MORC3: variants seen among roughly 807,000 people sequenced by gnomAD.
MORC3 encodes MORC family CW-type zinc finger protein 3.
MORC3 carries 31 observed loss-of-function variants against 109.1 expected under a neutral mutation model. The ratio of observed to expected loss-of-function variants is 0.28; its 90% CI spans 0.21 to 0.38. The LOEUF is 0.38. Among genes scored for constraint, MORC3 ranks in the 10% least tolerant of loss-of-function variants. The pLI is 1.00. For missense variants in MORC3, 867 were observed against 1,135.8 expected (o/e 0.76, Z 3.40); for synonymous variants, 395 against 380.7 (o/e 1.04, Z -0.44).
At chr21:36,333,523 G>A (rs2085338523) in intron 1 of MORC3, 123 bp from the exon 2 acceptor site, 1 of 730,350 alleles carries the variant, frequency 1.4e-6, no homozygotes, top group Non-Finnish European at 2.4e-6. Flanking sequence ...ATGTATCCTG[G>A]AGCAAGCAGC....
intron 1 of MORC3, among the ~76,000 whole-genome samples, chr21:36,331,102 G>C (rs1231383387): frequency 1.3e-5 from 2 of 152,214 alleles, no homozygotes; most frequent in Non-Finnish European, 2.9e-5. Flanking sequence ...AGACCTTTCT[G>C]ACACCTTGTG....
intron 1 of MORC3, 104 bp downstream of exon 1, chr21:36,320,407 C>T: frequency 3.6e-6 from 4 of 1,107,036 alleles, no homozygotes; most frequent in Non-Finnish European, 4.6e-6. Context: ...GCCGACGCGG[C>T]GGCGGGGGCT....
At chr21:36,337,047 T>TA in intron 3 of MORC3, 41 bp downstream of exon 3, 1 of 1,596,694 alleles carries the variant, frequency 6.3e-7, no homozygotes, top group Non-Finnish European at 8.5e-7. Flanking sequence ...TTGTTGCTTT[T>TA]ACCTAAAGGG....
At position 36,375,165 on chromosome 21, in the gene MORC3, G is replaced by A. The variant is rs2085915983; in HGVS notation, c.2689G>A (p.Val897Ile). Residue 897 changes from valine to isoleucine, a missense_variant, in exon 17 of 17, where the codon GTT becomes ATT. By Grantham distance (29) the Val-to-Ile change is conservative. Transcript: ENST00000400485. ...GESLKLRSLR[V>I]NVGQLLAMIV... The stretch of plus-strand genomic sequence containing the variant: ...CAGCCTCAAACTCCGATCTCTTCGA[G>A]TTAACGTAGGACAACTGCTGGCTAT... 3 of 1,613,218 alleles carry A rather than the reference G, an allele frequency of 1.9e-6. No individual in the cohort carries two copies. Among genetic ancestry groups the A allele is most frequent in the Non-Finnish European group, 2.5e-6 (3 of 1,179,776 alleles).
At chr21:36,342,641 T>C (rs950946554) in intron 6 of MORC3, among the ~76,000 whole-genome samples, 1 of 152,076 alleles carries the variant, frequency 6.6e-6, no homozygotes, top group African/African-American at 2.4e-5. Context: ...TGGTCTCAAG[T>C]GATCCACCTG....
At chr21:36,347,528 A>G (rs1264500088) in intron 8 of MORC3, among the ~76,000 whole-genome samples, 1 of 152,176 alleles carries the variant, frequency 6.6e-6, no homozygotes. Flanking sequence ...TGGGCCTAGT[A>G]TTTGCATTCT....
chr21:36,332,212 A>G (rs1007163646), intron 1 of MORC3, among the ~76,000 whole-genome samples: 1 of 152,084 alleles, frequency 6.6e-6, no homozygotes, highest in Non-Finnish European at 1.5e-5. Context: ...AAGAGGGTGA[A>G]TCACTTGAGG....
At chr21:36,371,165 A>T (rs934006986) in intron 15 of MORC3, among the ~76,000 whole-genome samples, 2 of 152,132 alleles carry the variant, frequency 1.3e-5, no homozygotes, top group African/African-American at 4.8e-5. Flanking sequence ...AATCTATTTT[A>T]TACATTTTTG....
chr21:36,348,981 G>A (rs899159702), intron 8 of MORC3, among the ~76,000 whole-genome samples: 2 of 151,882 alleles, frequency 1.3e-5, no homozygotes, highest in Admixed American at 6.6e-5. Flanking sequence ...GTGAAACCCC[G>A]TCTCTGCTAA....
At chr21:36,345,506 C>G (rs897012255) in intron 8 of MORC3, among the ~76,000 whole-genome samples, 1 of 151,880 alleles carries the variant, frequency 6.6e-6, no homozygotes, top group Non-Finnish European at 1.5e-5. Flanking sequence ...ACTGCAGCCT[C>G]TGCCTTCTGG....
intron 14 of MORC3, among the ~76,000 whole-genome samples, chr21:36,365,773 G>GT (rs1457259705): frequency 3.3e-5 from 5 of 152,028 alleles, no homozygotes; most frequent in Non-Finnish European, 5.9e-5. Context: ...GTAGAGACAG[G>GT]TTTTCACTGT....
At chr21:36,356,795 T>C (rs1357690060) in intron 10 of MORC3, 71 bp downstream of exon 10, 2 of 939,664 alleles carry the variant, frequency 2.1e-6, no homozygotes, top group Non-Finnish European at 3.1e-6. Flanking sequence ...AAAGGGATTG[T>C]ACAATGTTTC....
chr21:36,333,770 T>G (rs936538216), intron 2 of MORC3, 52 bp downstream of exon 2: 32 of 1,392,700 alleles, frequency 2.3e-5, no homozygotes, highest in Non-Finnish European at 2.9e-5. Flanking sequence ...TTGTAGTGTT[T>G]TTTTTTTTGT....
intron 9 of MORC3, among the ~76,000 whole-genome samples, chr21:36,354,545 C>T (rs1016460880): frequency 1.1e-4 from 16 of 151,870 alleles, no homozygotes; most frequent in Admixed American, 5.3e-4. Flanking sequence ...CCTTGTGATC[C>T]GCCCGCCTCT....
intron 16 of MORC3, 81 bp downstream of exon 16, chr21:36,372,612 A>G: frequency 7.4e-7 from 1 of 1,356,408 alleles, no homozygotes; most frequent in Middle Eastern, 2.1e-4. Context: ...CACCCATCAA[A>G]TAGATACTGT....
rs761387675 is a variant in MORC3, at chr21:36,356,712, T to C, written c.1196T>C (p.Val399Ala). 26 of 1,569,476 alleles carry C rather than the reference T, an allele frequency of 1.7e-5. No homozygotes were observed. The highest frequency in any genetic ancestry group is 2.3e-5 in the Non-Finnish European group (26 of 1,150,062). Residue 399 changes from valine (V) to alanine (A), a missense_variant, in exon 10 of 17, where the codon GTT becomes GCT. Val to Ala is a moderately conservative substitution (Grantham distance 64). Coordinates refer to ENST00000400485, the MANE Select transcript of MORC3 (RefSeq NM_015358.3). ...ACAGAATATCCTCTAAATTTGCCAGTTGAAGATATACAGTAAGTACATTTT... is the reference window on the plus strand; with the variant it reads ...ACAGAATATCCTCTAAATTTGCCAGCTGAAGATATACAGTAAGTACATTTT... ...KNTEYPLNLP[V>A]EDIQKRPDQT... is the part of the protein sequence containing the mutation.
Position 36,370,637 on chromosome 21 carries a change from ATATTTTTTTTTTTT to A in MORC3, c.2508+763_2508+776del, listed in dbSNP as rs1457030619. ...CATATATATATATATATATATATAT[ATATTTTTTTTTTTT>A]TTTTTTTTTTTTTTTTTTTTCTTCT... On this transcript the variant is annotated intron_variant, in intron 15 of 16. Transcript: ENST00000400485. Among the ~76,000 whole-genome samples, 314 of 28,662 alleles carry A rather than the reference ATATTTTTTTTTTTT, an allele frequency of 0.011. 1 individual carries two copies. The South Asian group carries it at 0.13, about 12-fold the overall frequency. The allele number at this position is 28,662 out of a possible 152,430, so 18.8% of individuals were successfully genotyped here.
chr21:36,340,622 TTTTC>T (rs1289996123), intron 5 of MORC3, among the ~76,000 whole-genome samples: 19 of 135,696 alleles, frequency 1.4e-4, no homozygotes, highest in Admixed American at 3.3e-4. Context: ...CTTTCTTTTC[TTTTC>T]TTTCTTTCTT....
intron 1 of MORC3, among the ~76,000 whole-genome samples, chr21:36,323,479 T>TTGTTAGTGG (rs1569085321): frequency 6.6e-6 from 1 of 152,194 alleles, no homozygotes; most frequent in Non-Finnish European, 1.5e-5. Flanking sequence ...GTTTTTGTTA[T>TTGTTAGTGG]TGTTAGTGGT....
Sources: gnomAD v4.1 joint callset for allele counts (sites outside exome capture counted in the v4.1 genomes callset) on GRCh38, gnomAD v4.1.1 for gene constraint, MANE v1.5 for transcripts, NCBI Gene and HGNC (gene_info 2026-07-23, HGNC 2026-07-21) for gene names.